ZNF521: variants seen among roughly 807,000 people sequenced by gnomAD.
ZNF521 encodes zinc finger protein 521.
A neutral mutation model predicts 105.5 loss-of-function variants in ZNF521; 14 were observed. The observed-to-expected ratio is 0.13, with a 90% CI of 0.09 to 0.21. The LOEUF is 0.21. ZNF521 is among the 10% of genes least tolerant of loss of function. ZNF521 has a pLI of 1.00. For synonymous variants in ZNF521, 635 were observed against 606.0 expected, an observed-to-expected ratio of 1.05 and a Z score of -0.70; for missense variants, 1,233 against 1,629.7, an observed-to-expected ratio of 0.76 and a Z score of 4.19.
chr18:25,104,463 T>G (rs1380926255), intron 5 of ZNF521, among the ~76,000 whole-genome samples: 1 of 152,186 alleles, frequency 6.6e-6, no homozygotes, highest in Non-Finnish European at 1.5e-5. Context: ...TTTATTTCCT[T>G]TCTGAAAGCA....
intron 3 of ZNF521, among the ~76,000 whole-genome samples, chr18:25,265,207 T>C (rs1909165624): frequency 6.6e-6 from 1 of 152,188 alleles, no homozygotes; most frequent in Non-Finnish European, 1.5e-5. Flanking sequence ...ACCTAACTGA[T>C]GTTACTTAAC....
chr18:25,300,753 T>C (rs987585641), intron 3 of ZNF521, among the ~76,000 whole-genome samples: 4 of 152,244 alleles, frequency 2.6e-5, no homozygotes, highest in Non-Finnish European at 5.9e-5. Context: ...TTAACTTTAA[T>C]TTCAGTAAGG....
chr18:25,230,775 T>C (rs1028372745), intron 3 of ZNF521, among the ~76,000 whole-genome samples: 1 of 152,194 alleles, frequency 6.6e-6, no homozygotes, highest in Admixed American at 6.5e-5. Context: ...GTCTCTTCAC[T>C]TGAGCTGACT....
intron 4 of ZNF521, among the ~76,000 whole-genome samples, chr18:25,217,894 G>A (rs1331973843): frequency 6.6e-6 from 1 of 152,220 alleles, no homozygotes; most frequent in Admixed American, 6.5e-5. Flanking sequence ...CGGCCTTCTA[G>A]AATAGTTGAT....
At chr18:25,125,809 T>C (rs2034529081) in intron 5 of ZNF521, among the ~76,000 whole-genome samples, 1 of 152,000 alleles carries the variant, frequency 6.6e-6, no homozygotes, top group South Asian at 2.1e-4. Flanking sequence ...ACTTGCTTGC[T>C]ATCCAGTAGT....
At chr18:25,074,032 G>A (rs1372507566) in intron 7 of ZNF521, among the ~76,000 whole-genome samples, 2 of 149,274 alleles carry the variant, frequency 1.3e-5, no homozygotes, top group Non-Finnish European at 3.0e-5. Context: ...GTGTGTGTGC[G>A]TGCATGTGTG....
chr18:25,309,695 T>C (rs1346125165), intron 3 of ZNF521, among the ~76,000 whole-genome samples: 1 of 152,218 alleles, frequency 6.6e-6, no homozygotes, highest in African/African-American at 2.4e-5. Context: ...ATAATAGATT[T>C]GACAGATTTC....
intron 5 of ZNF521, among the ~76,000 whole-genome samples, chr18:25,142,690 T>A (rs1373836448): frequency 1.3e-5 from 2 of 152,178 alleles, no homozygotes; most frequent in African/African-American, 4.8e-5. Flanking sequence ...GCCACACATT[T>A]TAACCAATAT....
At chr18:25,164,407 C>T (rs1272941477) in intron 5 of ZNF521, among the ~76,000 whole-genome samples, 9 of 152,184 alleles carry the variant, frequency 5.9e-5, no homozygotes, top group Admixed American at 5.9e-4. Flanking sequence ...GAAACACTTC[C>T]TCCCAGGCCA....
At position 25,205,974 on chromosome 18, in the gene ZNF521, CTCTG is replaced by C. The variant is rs913414113; in HGVS notation, c.3574-10734_3574-10731del. Among the ~76,000 whole-genome samples the C allele has an allele frequency of 1.1e-3, 174 of 152,042 alleles. 1 individual carries two copies. Among genetic ancestry groups the C allele is most frequent in the African/African-American group, 3.9e-3 (163 of 41,492 alleles). On this transcript the variant is annotated intron_variant, in intron 4 of 7. Transcript: ENST00000361524. ...AAGCTCTTTAAGGCTAGGTAGAAGGCTCTGTCTTATTCATTTTTTTTTAATTTGT... is the reference window on the plus strand; with the variant it reads ...AAGCTCTTTAAGGCTAGGTAGAAGGCTCTTATTCATTTTTTTTTAATTTGT...
chr18:25,074,092 G>A (rs1012514552), intron 7 of ZNF521, among the ~76,000 whole-genome samples: 10 of 152,164 alleles, frequency 6.6e-5, no homozygotes, highest in Non-Finnish European at 1.0e-4. Flanking sequence ...GTGTGCACGC[G>A]CACGGGAATA....
At chr18:25,281,255 T>A (rs972354250) in intron 3 of ZNF521, among the ~76,000 whole-genome samples, 1 of 152,178 alleles carries the variant, frequency 6.6e-6, no homozygotes, top group African/African-American at 2.4e-5. Flanking sequence ...CAAACACACG[T>A]GAGGAAATTA....
intron 3 of ZNF521, among the ~76,000 whole-genome samples, chr18:25,231,866 G>T (rs944177904): frequency 6.6e-6 from 1 of 152,174 alleles, no homozygotes; most frequent in Admixed American, 6.5e-5. Context: ...TTATTCAAGA[G>T]AAACTAATGT....
At chr18:25,174,890 A>G (rs183192381) in intron 5 of ZNF521, among the ~76,000 whole-genome samples, 1 of 152,284 alleles carries the variant, frequency 6.6e-6, no homozygotes, top group Non-Finnish European at 1.5e-5. Flanking sequence ...TCACCCCTTA[A>G]CTATTTAATT....
intron 5 of ZNF521, among the ~76,000 whole-genome samples, chr18:25,189,567 A>G (rs944518184): frequency 6.6e-6 from 1 of 152,154 alleles, no homozygotes; most frequent in African/African-American, 2.4e-5. Context: ...TGAGATCTAT[A>G]AGGCACCTTG....
At chr18:25,122,805 G>A (rs1456128719) in intron 5 of ZNF521, among the ~76,000 whole-genome samples, 2 of 151,982 alleles carry the variant, frequency 1.3e-5, no homozygotes. Context: ...ATCAAAGAAA[G>A]AATAGAAACT....
chr18:25,258,239 G>T (rs950526003), intron 3 of ZNF521, among the ~76,000 whole-genome samples: 2 of 152,138 alleles, frequency 1.3e-5, no homozygotes, highest in Non-Finnish European at 2.9e-5. Flanking sequence ...TGTTATTGAC[G>T]ATAAGGTTTG....
At chr18:25,260,869 A>AT (rs1908860930) in intron 3 of ZNF521, among the ~76,000 whole-genome samples, 1 of 152,222 alleles carries the variant, frequency 6.6e-6, no homozygotes, top group African/African-American at 2.4e-5. Flanking sequence ...GAAGGAAAAT[A>AT]TAGGTCACCA....
In ZNF521 at chr18:25,226,618, C is replaced by G. The variant is rs1261239771; in HGVS notation, c.1300G>C (p.Glu434Gln). 9.3e-6 allele frequency: 15 copies of G among 1,614,146 alleles called. No individual in the cohort carries two copies. The highest frequency in any genetic ancestry group is 1.3e-5 in the Non-Finnish European group (15 of 1,180,030). Residue 434 changes from glutamate (E) to glutamine (Q), a missense_variant, in exon 4 of 8, where the codon GAA (glutamate) becomes CAA (glutamine). By Grantham distance (29) the Glu-to-Gln change is conservative. Coordinates refer to ENST00000361524, the MANE Select transcript of ZNF521 (RefSeq NM_015461.3). This position sits in a 1 kb window ranked among gnomAD's most constrained non-coding sequence, Gnocchi z 4.1. ...CAATACTGACAAATATGGGCCTGTT[C>G]TGGCTTATCTAAGTGCATAGTTTTC... ...HLKTMHLDKPEQAHICQYCLE... is the reference protein window; with the variant it reads ...HLKTMHLDKPQQAHICQYCLE...
Sources: gnomAD v4.1 joint callset for allele counts (sites outside exome capture counted in the v4.1 genomes callset) on GRCh38, gnomAD v4.1.1 for gene constraint, Gnocchi (gnomAD v3.1) non-coding constraint, MANE v1.5 for transcripts, NCBI Gene and HGNC (gene_info 2026-07-23, HGNC 2026-07-21) for gene names.